The following EIF2AK3 variants were observed in gnomAD, a reference collection of about 807,000 sequenced individuals.
EIF2AK3 encodes eukaryotic translation initiation factor 2 alpha kinase 3, also known as eukaryotic translation initiation factor 2-alpha kinase 3.
Under a neutral mutation model 113.5 loss-of-function variants are expected in EIF2AK3, and 50 were observed. That is an observed-to-expected ratio of 0.44 (90% CI 0.35 to 0.56). The LOEUF is 0.56. Among genes scored for constraint, EIF2AK3 ranks in the 20% least tolerant of loss-of-function variants. The pLI, the probability that EIF2AK3 is intolerant of heterozygous loss-of-function variation, is 0.00. For missense variants in EIF2AK3, 1,185 were observed against 1,378.0 expected (o/e 0.86, Z 2.22); for synonymous variants, 448 against 495.4 (o/e 0.90, Z 1.27).
chr2:88,589,749 T>C (rs960226656), intron 6 of EIF2AK3, among the ~76,000 whole-genome samples: 3 of 151,508 alleles, frequency 2.0e-5, no homozygotes, highest in Non-Finnish European at 4.4e-5. Flanking sequence ...AGTGACATGA[T>C]TATAGTTTGG....
At chr2:88,608,898 T>C (rs1432904455) in intron 2 of EIF2AK3, among the ~76,000 whole-genome samples, 2 of 134,238 alleles carry the variant, frequency 1.5e-5, no homozygotes, top group South Asian at 4.8e-4. Flanking sequence ...TTTTTTTTTT[T>C]GTATTTTGTA....
chr2:88,563,411 C>T (rs1674017339), intron 14 of EIF2AK3, among the ~76,000 whole-genome samples: 1 of 151,766 alleles, frequency 6.6e-6, no homozygotes, highest in Non-Finnish European at 1.5e-5. Flanking sequence ...GCAATCTGAA[C>T]CCTGTCTCAC....
chr2:88,574,699 A>G lies in EIF2AK3; in HGVS notation c.2784T>C (p.Leu928=). 1 of 1,614,114 alleles carries G rather than the reference A, an allele frequency of 6.2e-7. No individual in the cohort carries two copies. The highest frequency in any genetic ancestry group is 8.5e-7 in the Non-Finnish European group (1 of 1,179,990). The change falls in exon 13 of 17, where the codon CTT becomes CTC. Residue 928 remains leucine (L), a synonymous_variant. Transcript: ENST00000303236. ...CCCTGTGCATCAGTCCTTTACTGTG[A>G]AGAAACTCCACTGCCTCTGCGATCT... The part of the protein sequence containing the change: ...FLQIAEAVEF[L]HSKGLMHRDL...
At chr2:88,593,781 A>G in intron 3 of EIF2AK3, 1 of 460,744 alleles carries the variant, frequency 2.2e-6, no homozygotes, top group Non-Finnish European at 2.9e-6. Flanking sequence ...GTATAACAAA[A>G]GTGTTTGGTT....
Position 88,563,621 on chromosome 2 carries a change from G to T in EIF2AK3, c.2986-1231C>A, listed in dbSNP as rs149516899. 4.7e-4 allele frequency among the ~76,000 whole-genome samples: 72 copies of T among 152,296 alleles called. No homozygotes were observed. The East Asian group carries it at 0.013, about 29-fold the overall frequency. ...CCCACCCTAGGGCAGATGGAAATGT[G>T]TACAGACATTTGGGTATTTGGGTAC... On this transcript the variant is annotated intron_variant, in intron 14 of 16. Coordinates refer to ENST00000303236, the MANE Select transcript of EIF2AK3 (RefSeq NM_004836.7).
intron 1 of EIF2AK3, among the ~76,000 whole-genome samples, chr2:88,623,009 A>AG (rs1675769814): frequency 6.6e-6 from 1 of 152,264 alleles, no homozygotes; most frequent in Admixed American, 6.5e-5. Context: ...TGTCAAATTT[A>AG]GAAATACTTT....
At chr2:88,564,632 C>G (rs1399005113) in intron 14 of EIF2AK3, among the ~76,000 whole-genome samples, 1 of 152,170 alleles carries the variant, frequency 6.6e-6, no homozygotes, top group African/African-American at 2.4e-5. Flanking sequence ...CCGGGACTAC[C>G]TGGTGTTCAT....
At chr2:88,614,767 C>T (rs1418920989) in intron 1 of EIF2AK3, among the ~76,000 whole-genome samples, 2 of 152,158 alleles carry the variant, frequency 1.3e-5, no homozygotes, top group South Asian at 4.1e-4. Flanking sequence ...CTACTTTGCA[C>T]ACACCTCAAC....
chr2:88,581,658 A>G (rs1674604327), intron 10 of EIF2AK3, among the ~76,000 whole-genome samples: 1 of 152,220 alleles, frequency 6.6e-6, no homozygotes, highest in African/African-American at 2.4e-5. Flanking sequence ...AGACTACCTC[A>G]TGGGAGTTGT....
chr2:88,574,976 T>A lies in EIF2AK3; in HGVS notation c.2507A>T (p.Lys836Ile), dbSNP rs200270016. ...RLHIGNHCAN[K>I]LTAFKPTSSK... ...ACTGGTGGGCTTGAAAGCAGTTAGTTTATTAGCACAATGGTTGCCAATATG... is the reference window on the plus strand; with the variant it reads ...ACTGGTGGGCTTGAAAGCAGTTAGTATATTAGCACAATGGTTGCCAATATG... The change falls in exon 13 of 17, where the codon AAA becomes ATA. Residue 836 changes from lysine to isoleucine, a missense_variant. By Grantham distance (102) the Lys-to-Ile change is moderately radical (BLOSUM62 -3). This residue lies in a region of EIF2AK3 where 877 missense variants were observed against 1,024.2 expected (regional missense o/e 0.86). Transcript: ENST00000303236. 2.5e-5 allele frequency: 41 copies of A among 1,614,078 alleles called. No individual in the cohort carries two copies. The highest frequency in any genetic ancestry group is 8.5e-6 in the Non-Finnish European group (10 of 1,180,040).
At position 88,558,114 on chromosome 2, in the gene EIF2AK3, G is replaced by C. The variant is rs1312208715; in HGVS notation, c.3151-178C>G. ...CCGTCAATGCACAAAAGCATCCAGA[G>C]ACAATTTGTAAATTAATGGGCATGG... On this transcript the variant is annotated intron_variant, in intron 16 of 16. Coordinates refer to ENST00000303236, the MANE Select transcript of EIF2AK3 (RefSeq NM_004836.7). Among the ~76,000 whole-genome samples the C allele has an allele frequency of 2.0e-5, 3 of 152,106 alleles. No individual in the cohort carries two copies. In the East Asian group the frequency reaches 5.8e-4, roughly 29 times the overall value.
intron 12 of EIF2AK3, 193 bp from the exon 13 acceptor site, chr2:88,575,639 AACTT>A: frequency 1.5e-6 from 1 of 671,900 alleles, no homozygotes; most frequent in Non-Finnish European, 2.5e-6. Context: ...CCTTCTAAAA[AACTT>A]AATTTTAAAG....
At chr2:88,626,305 A>G (rs1198893624) in intron 1 of EIF2AK3, among the ~76,000 whole-genome samples, 2 of 152,232 alleles carry the variant, frequency 1.3e-5, no homozygotes, top group South Asian at 4.1e-4. Flanking sequence ...CCAATATTCA[A>G]GAATCTGACT....
chr2:88,619,697 T>C (rs909624907), intron 1 of EIF2AK3, among the ~76,000 whole-genome samples: 11 of 152,202 alleles, frequency 7.2e-5, no homozygotes, highest in Non-Finnish European at 1.0e-4. Context: ...CTCACCCCTG[T>C]AATCCCAGCA....
chr2:88,605,888 T>C (rs1464601563), intron 2 of EIF2AK3, among the ~76,000 whole-genome samples: 1 of 152,148 alleles, frequency 6.6e-6, no homozygotes, highest in Non-Finnish European at 1.5e-5. Flanking sequence ...CCAGGAATCA[T>C]ACCTGAAAGA....
At chr2:88,582,309 C>T (rs547337462) in intron 10 of EIF2AK3, among the ~76,000 whole-genome samples, 1 of 152,200 alleles carries the variant, frequency 6.6e-6, no homozygotes, top group South Asian at 2.1e-4. Flanking sequence ...ACATGAGATC[C>T]CTTAGGGATC....
At chr2:88,603,637 A>T (rs1675203315) in intron 2 of EIF2AK3, among the ~76,000 whole-genome samples, 1 of 152,236 alleles carries the variant, frequency 6.6e-6, no homozygotes, top group African/African-American at 2.4e-5. Flanking sequence ...CAAATCTATC[A>T]TTGAAACACT....
rs1047810969 is a variant in EIF2AK3, at chr2:88,557,607, T to C, written c.*129A>G. 3.0e-6 allele frequency: 3 copies of C among 999,608 alleles called. No homozygotes were observed. Among genetic ancestry groups the C allele is most frequent in the African/African-American group, 3.2e-5 (2 of 62,610 alleles). 61.9% of individuals were successfully genotyped at this position (999,608 alleles called of 1,614,324 possible). A position where few individuals can be genotyped will look rare whatever the true frequency, so the allele number is the denominator to read the frequency against. On this transcript the variant is annotated 3_prime_UTR_variant, in exon 17 of 17. Coordinates refer to ENST00000303236, the MANE Select transcript of EIF2AK3 (RefSeq NM_004836.7). ...CCCCAAATCCAGCTTAAATTTGATA[T>C]AAAAAAAGTAGTCCACAAAAAAATT...
intron 10 of EIF2AK3, 123 bp from the exon 11 acceptor site, chr2:88,579,763 T>C (rs991519129): frequency 9.0e-6 from 8 of 887,816 alleles, no homozygotes; most frequent in South Asian, 8.2e-5. Flanking sequence ...TCTTAATAAA[T>C]AGTATATTTT....
Sources: gnomAD v4.1 joint callset for allele counts (sites outside exome capture counted in the v4.1 genomes callset) on GRCh38, gnomAD v4.1.1 for gene constraint, gnomAD v4.1.1 regional missense constraint, MANE v1.5 for transcripts, NCBI Gene and HGNC (gene_info 2026-07-23, HGNC 2026-07-21) for gene names.